The following NUP153 variants were observed in gnomAD, a reference collection of about 807,000 sequenced individuals.
The protein encoded by NUP153 is nuclear pore complex protein Nup153.
A neutral mutation model predicts 134.6 loss-of-function variants in NUP153; 27 were observed. That is an observed-to-expected ratio of 0.20 (90% CI 0.15 to 0.28). The LOEUF (loss-of-function observed/expected upper bound fraction) is 0.28. Among genes scored for constraint, NUP153 ranks in the 10% least tolerant of loss-of-function variants. The pLI is 1.00. For missense variants in NUP153, 1,821 were observed against 1,731.3 expected (o/e 1.05, Z -0.92); for synonymous variants, 640 against 623.5 (o/e 1.03, Z -0.40).
chr6:17,634,780 A>G (rs1765441280), intron 16 of NUP153, among the ~76,000 whole-genome samples: 1 of 152,090 alleles, frequency 6.6e-6, no homozygotes, highest in Non-Finnish European at 1.5e-5. Context: ...CTTGAAATCA[A>G]CGTCTTTAAT....
At chr6:17,623,974 AT>A (rs1408712990) in intron 20 of NUP153, among the ~76,000 whole-genome samples, 1 of 152,172 alleles carries the variant, frequency 6.6e-6, no homozygotes, top group Non-Finnish European at 1.5e-5. Flanking sequence ...GTTATACAGC[AT>A]TTGCTTCAAT....
In NUP153 at chr6:17,637,491, G is replaced by T. The variant is rs1390588930; in HGVS notation, c.2126C>A (p.Ser709Tyr). Reference sequence around the variant, plus strand: ...GTCTCCAAAGCCTGTCCCTGATGCAGAAAGAGTTGTTTTGCCACTTTTATT... The same window carrying T: ...GTCTCCAAAGCCTGTCCCTGATGCATAAAGAGTTGTTTTGCCACTTTTATT... Reference protein sequence around the residue: ...TPNKSGKTTLSASGTGFGDKF... With the variant: ...TPNKSGKTTLYASGTGFGDKF... Residue 709 changes from serine to tyrosine, a missense_variant, in exon 16 of 22, where the codon TCT becomes TAT. Ser to Tyr is a moderately radical substitution (Grantham distance 144). Transcript: ENST00000262077. 3 of 1,614,098 alleles carry T rather than the reference G, an allele frequency of 1.9e-6. No individual in the cohort carries two copies. In the African/African-American group the frequency reaches 4.0e-5, roughly 22 times the overall value.
At chr6:17,662,626 C>T (rs1234643876) in intron 9 of NUP153, among the ~76,000 whole-genome samples, 4 of 152,152 alleles carry the variant, frequency 2.6e-5, no homozygotes, top group Non-Finnish European at 5.9e-5. Flanking sequence ...GGGAAGTTTC[C>T]TTCCCACAAA....
In NUP153 at chr6:17,669,476, G is replaced by C; in HGVS notation, c.923C>G (p.Ala308Gly). 8.7e-6 allele frequency: 14 copies of C among 1,614,090 alleles called. No individual in the cohort carries two copies. The highest frequency in any genetic ancestry group is 1.2e-5 in the Non-Finnish European group (14 of 1,179,964). Residue 308 changes from alanine (A) to glycine (G), a missense_variant, in exon 6 of 22, where the codon GCT becomes GGT. Transcript: ENST00000262077. ...AQSYGVTSST[A>G]RRILQSLEKM... ...CTCTAAAGACTGCAATATTCGCCGA[G>C]CTGTTGAACTGGTCACACCGTAAGA...
chr6:17,639,074 CTTTTCCTTTCTTTTTTTT>C (rs1765705059), intron 15 of NUP153, among the ~76,000 whole-genome samples: 1 of 151,374 alleles, frequency 6.6e-6, no homozygotes, highest in Admixed American at 6.6e-5. Context: ...TTCTTTTTTT[CTTTTCCTTTCTTTTTTTT>C]TTAAAGACAG....
rs533195748 is a variant in NUP153 at position 17,683,018 on chromosome 6, T to A, written c.334+5378A>T. On this transcript the variant is annotated intron_variant, in intron 2 of 21. Coordinates refer to ENST00000262077, the MANE Select transcript of NUP153 (RefSeq NM_005124.4). The stretch of plus-strand genomic sequence containing the variant: ...AGCATAAGATATTGCAGTAATTCAG[T>A]CACATCTTCATACTCCACTTCTAAT... Among the ~76,000 whole-genome samples, 3 of 152,164 alleles carry A rather than the reference T, an allele frequency of 2.0e-5. No homozygotes were observed. The South Asian group carries it at 6.2e-4, about 32-fold the overall frequency.
intron 11 of NUP153, among the ~76,000 whole-genome samples, chr6:17,657,795 C>T (rs1766925453): frequency 6.6e-6 from 1 of 152,126 alleles, no homozygotes; most frequent in South Asian, 2.1e-4. Context: ...TTGGTGCAAA[C>T]GTAATTGCAG....
intron 2 of NUP153, among the ~76,000 whole-genome samples, chr6:17,683,686 T>C (rs944504554): frequency 3.9e-5 from 6 of 152,144 alleles, no homozygotes; most frequent in African/African-American, 9.7e-5. Flanking sequence ...TAAATAAGCA[T>C]TGGCTTCAAC....
At chr6:17,623,498 A>G (rs1313072209) in intron 20 of NUP153, among the ~76,000 whole-genome samples, 1 of 152,210 alleles carries the variant, frequency 6.6e-6, no homozygotes, top group African/African-American at 2.4e-5. Context: ...ATCTTCTAGT[A>G]TAAGATATAC....
chr6:17,654,066 T>G (rs969240304), intron 11 of NUP153, among the ~76,000 whole-genome samples: 3 of 152,168 alleles, frequency 2.0e-5, no homozygotes, highest in African/African-American at 7.2e-5. Context: ...ACACAAAATG[T>G]TGGAATCTAA....
chr6:17,693,183 T>TAC (rs67348223), intron 1 of NUP153, among the ~76,000 whole-genome samples: 5,719 of 145,874 alleles, frequency 0.039, 136 homozygotes, highest in Middle Eastern at 0.07. Context: ...AGCTTTTTCC[T>TAC]ACACACACAC....
At chr6:17,622,947 G>A (rs756452358) in intron 20 of NUP153, among the ~76,000 whole-genome samples, 20 of 152,096 alleles carry the variant, frequency 1.3e-4, no homozygotes, top group Middle Eastern at 3.4e-3. Context: ...TGGCTAACAC[G>A]GTGAAACCCC....
chr6:17,615,971 A>G lies in NUP153; in HGVS notation c.*126T>C, dbSNP rs1764292380. 1 of 613,052 alleles carries G rather than the reference A, an allele frequency of 1.6e-6. No individual in the cohort carries two copies. The highest frequency in any genetic ancestry group is 1.9e-5 in the African/African-American group (1 of 53,462). The allele number at this position is 613,052 out of a possible 1,614,324, so 38.0% of individuals were successfully genotyped here. A position where few individuals can be genotyped will look rare whatever the true frequency, so the allele number is the denominator to read the frequency against. ...TCTGTAACGAAAGAGAAAGGAGGAA[A>G]ATTCCAAAATTAAAGAAGTCCTTAG... On this transcript the variant is annotated 3_prime_UTR_variant, in exon 22 of 22. Transcript: ENST00000262077. The surrounding 1 kb of genome is among the most constrained non-coding windows in gnomAD (Gnocchi z 5.7).
chr6:17,689,286 C>G (rs1434140771), intron 1 of NUP153, among the ~76,000 whole-genome samples: 2 of 151,964 alleles, frequency 1.3e-5, no homozygotes, highest in African/African-American at 2.4e-5. Context: ...ACTCAGGAGG[C>G]TGAGGCAGGA....
At position 17,706,461 on chromosome 6, in the gene NUP153, G is replaced by A; in HGVS notation, c.-74C>T. The A allele has an allele frequency of 7.8e-6, 9 of 1,160,940 alleles. No homozygotes were observed. Among genetic ancestry groups the A allele is most frequent in the Non-Finnish European group, 1.1e-5 (9 of 815,782 alleles). The allele number at this position is 1,160,940 out of a possible 1,614,324, so 71.9% of individuals were successfully genotyped here. A position where few individuals can be genotyped will look rare whatever the true frequency, so the allele number is the denominator to read the frequency against. ...GAGGCAGAGGCGGAGGCCTTAGAGAGCCTCCCCCGCCGCCCGGCCCCGGCC... is the reference window on the plus strand; with the variant it reads ...GAGGCAGAGGCGGAGGCCTTAGAGAACCTCCCCCGCCGCCCGGCCCCGGCC... On this transcript the variant is annotated 5_prime_UTR_variant, in exon 1 of 22. Transcript: ENST00000262077. The surrounding 1 kb of genome is among the most constrained non-coding windows in gnomAD (Gnocchi z 5.9).
Position 17,616,186 on chromosome 6 carries a change from GA to G in NUP153, c.4344-6del, listed in dbSNP as rs1764307657. 7.2e-7 allele frequency: 1 copy of G among 1,391,706 alleles called. No individual in the cohort carries two copies. The highest frequency in any genetic ancestry group is 1.1e-5 in the South Asian group (1 of 87,180). 86.2% of individuals were successfully genotyped at this position (1,391,706 alleles called of 1,614,324 possible). On this transcript the variant is annotated splice_polypyrimidine_tract_variant and splice_region_variant and intron_variant, in intron 21 of 21. Coordinates refer to ENST00000262077, the MANE Select transcript of NUP153 (RefSeq NM_005124.4). ...AACACATTTTTCCCATTTGACCTGT[GA>G]AAAATAAAAACTTCATAATGTGACA... is the stretch of plus-strand genomic sequence containing the variant.
intron 16 of NUP153, among the ~76,000 whole-genome samples, chr6:17,635,104 CTTTTTT>C (rs59700511): frequency 4.8e-4 from 50 of 104,248 alleles, no homozygotes; most frequent in Non-Finnish European, 6.3e-4. Context: ...CTTGGCTTAT[CTTTTTT>C]TTTTTTTTTT....
rs143543771 is a variant in NUP153, at chr6:17,631,166, T to C, written c.2659+1484A>G. 3.6e-3 allele frequency among the ~76,000 whole-genome samples: 553 copies of C among 152,216 alleles called. 5 individuals carry two copies. The highest frequency in any genetic ancestry group is 0.013 in the African/African-American group (535 of 41,534). ...CCAGCACTTCTCTTTTAAAATAAAA[T>C]AAAACAGAAAATACCAGGGAACCTT... On this transcript the variant is annotated intron_variant, in intron 17 of 21. Coordinates refer to ENST00000262077, the MANE Select transcript of NUP153 (RefSeq NM_005124.4).
intron 2 of NUP153, among the ~76,000 whole-genome samples, chr6:17,687,721 G>T (rs888111237): frequency 6.6e-6 from 1 of 152,124 alleles, no homozygotes; most frequent in Non-Finnish European, 1.5e-5. Flanking sequence ...TTGTAATTAT[G>T]TATTTCAAAA....
Sources: allele counts gnomAD v4.1 joint callset (sites outside exome capture counted in the v4.1 genomes callset), GRCh38; gene constraint gnomAD v4.1.1; non-coding constraint Gnocchi (gnomAD v3.1); transcripts MANE v1.5; gene names NCBI Gene and HGNC (gene_info 2026-07-23, HGNC 2026-07-21).